Variants in PPFIA1 observed in about 807,000 individuals in gnomAD.
PPFIA1 encodes the protein PPFI scaffold protein A1.
PPFIA1 carries 25 observed loss-of-function variants against 149.9 expected under a neutral mutation model. The observed-to-expected ratio is 0.17, with a 90% CI of 0.12 to 0.23. PPFIA1 has a LOEUF of 0.23. Ranked by LOEUF, PPFIA1 falls within the 10% of genes least tolerant of loss-of-function variation. The pLI, the probability that PPFIA1 is intolerant of heterozygous loss-of-function variation, is 1.00. For synonymous variants in PPFIA1, 549 were observed against 552.8 expected, an observed-to-expected ratio of 0.99 and a Z score of 0.10; for missense variants, 1,362 against 1,506.5, an observed-to-expected ratio of 0.90 and a Z score of 1.59.
At chr11:70,287,542 C>T (rs906482188) in intron 2 of PPFIA1, among the ~76,000 whole-genome samples, 1 of 151,668 alleles carries the variant, frequency 6.6e-6, no homozygotes, top group Admixed American at 6.6e-5. Context: ...GTTACCCAGG[C>T]TGGTCTCCAA....
chr11:70,340,159 T>C (rs2055234817), intron 14 of PPFIA1, among the ~76,000 whole-genome samples: 6 of 148,992 alleles, frequency 4.0e-5, no homozygotes, highest in Admixed American at 3.3e-4. Context: ...AAGAAAAAAT[T>C]AGTTGGGTGT....
At chr11:70,378,304 T>C in intron 26 of PPFIA1, 109 bp downstream of exon 26, 1 of 1,393,846 alleles carries the variant, frequency 7.2e-7, no homozygotes, top group East Asian at 2.5e-5. Context: ...TACAAGGCAC[T>C]TGAGTATGGT....
At chr11:70,380,437 C>T (rs2057665733) in intron 26 of PPFIA1, among the ~76,000 whole-genome samples, 1 of 151,524 alleles carries the variant, frequency 6.6e-6, no homozygotes, top group African/African-American at 2.4e-5. Flanking sequence ...ATTAGCTGGG[C>T]ACGGTGGCAG....
chr11:70,305,362 G>A (rs758421820), intron 2 of PPFIA1, among the ~76,000 whole-genome samples: 1 of 152,026 alleles, frequency 6.6e-6, no homozygotes, highest in Non-Finnish European at 1.5e-5. Flanking sequence ...CCAACCCACC[G>A]ACTCATCTGT....
rs901937901 is a variant in PPFIA1, at chr11:70,270,726, C to T, written c.-189C>T. On this transcript the variant is annotated 5_prime_UTR_variant, in exon 1 of 28. Transcript: ENST00000253925. ...CCGCGCAGCCGGGCCCGCTCCTCCT[C>T]CGCTCCGCCAGTGTCCGGCCGCGGG... 6.6e-6 allele frequency: 1 copy of T among 151,028 alleles called. No individual in the cohort carries two copies. The highest frequency in any genetic ancestry group is 2.4e-5 in the African/African-American group (1 of 41,262). The allele number at this position is 151,028 out of a possible 1,614,324, so 9.4% of individuals were successfully genotyped here.
chr11:70,381,470 A>G (rs1216560386), intron 26 of PPFIA1, among the ~76,000 whole-genome samples: 3 of 152,160 alleles, frequency 2.0e-5, no homozygotes, highest in Non-Finnish European at 4.4e-5. Context: ...CAGTTTTTAG[A>G]TCAGCTTTCA....
chr11:70,356,201 G>A lies in PPFIA1; in HGVS notation c.2529G>A (p.Leu843=). ...CGGATAACTCATCTCAGGATGCCTT[G>A]GGACTTAGCAAATTGGGGGGACAGG... ...SETDNSSQDA[L]GLSKLGGQAE... Residue 843 remains leucine, a synonymous_variant, in exon 19 of 28, where the codon TTG becomes TTA. Coordinates refer to ENST00000253925, the MANE Select transcript of PPFIA1 (RefSeq NM_003626.5). 6.2e-7 allele frequency: 1 copy of A among 1,613,902 alleles called. No homozygotes were observed. Among genetic ancestry groups the A allele is most frequent in the South Asian group, 1.1e-5 (1 of 91,020 alleles).
intron 4 of PPFIA1, 42 bp downstream of exon 4, chr11:70,325,053 G>T: frequency 6.6e-7 from 1 of 1,514,872 alleles, no homozygotes. Flanking sequence ...CACATGCTGT[G>T]TATTAGGCCA....
chr11:70,357,733 G>GC (rs1565442947), intron 19 of PPFIA1, among the ~76,000 whole-genome samples: 1 of 151,802 alleles, frequency 6.6e-6, no homozygotes, highest in African/African-American at 2.4e-5. Context: ...ACTTACAGGC[G>GC]CCCGCCACCA....
rs2050142176 is a variant in PPFIA1, at chr11:70,272,357, C to G, written c.185C>G (p.Ala62Gly). ...CTGAGAGAGACTCAAGAAACGCTGGCCTTAACCCAGGGGAAGTTACACGAG... is the reference window on the plus strand; with the variant it reads ...CTGAGAGAGACTCAAGAAACGCTGGGCTTAACCCAGGGGAAGTTACACGAG... ...DTLRETQETL[A>G]LTQGKLHEVG... The change falls in exon 2 of 28, where the codon GCC becomes GGC. Residue 62 changes from alanine to glycine, a missense_variant. Ala to Gly is a moderately conservative substitution (Grantham distance 60, BLOSUM62 0). Coordinates refer to ENST00000253925, the MANE Select transcript of PPFIA1 (RefSeq NM_003626.5). 2 of 1,614,024 alleles carry G rather than the reference C, an allele frequency of 1.2e-6. No homozygotes were observed. Among genetic ancestry groups the G allele is most frequent in the African/African-American group, 1.3e-5 (1 of 74,890 alleles).
chr11:70,354,407 G>A lies in PPFIA1; in HGVS notation c.2270G>A (p.Gly757Glu). 6.2e-7 allele frequency: 1 copy of A among 1,613,898 alleles called. No individual in the cohort carries two copies. The highest frequency in any genetic ancestry group is 8.5e-7 in the Non-Finnish European group (1 of 1,179,972). ...RALRLDRLHKGALHTVSHEDI... is the reference protein window; with the variant it reads ...RALRLDRLHKEALHTVSHEDI... ...CTTCGGTTAGACCGGCTGCACAAAGGGGCGCTGCACACCGTCAGCCACGAG... is the reference window on the plus strand; with the variant it reads ...CTTCGGTTAGACCGGCTGCACAAAGAGGCGCTGCACACCGTCAGCCACGAG... Residue 757 changes from glycine (G) to glutamate (E), a missense_variant, in exon 17 of 28, where the codon GGG becomes GAG. By Grantham distance (98) the Gly-to-Glu change is moderately conservative. Coordinates refer to ENST00000253925, the MANE Select transcript of PPFIA1 (RefSeq NM_003626.5).
intron 19 of PPFIA1, among the ~76,000 whole-genome samples, chr11:70,358,925 T>C (rs1240757531): frequency 6.6e-6 from 1 of 152,222 alleles, no homozygotes; most frequent in Non-Finnish European, 1.5e-5. Context: ...AAACACCATC[T>C]CTTGAAGTAA....
At chr11:70,333,198 T>C (rs1257957289) in intron 9 of PPFIA1, 1 of 542,688 alleles carries the variant, frequency 1.8e-6, no homozygotes, top group African/African-American at 1.9e-5. Flanking sequence ...CACGACTCCA[T>C]TGAGATTGGG....
chr11:70,360,277 A>C (rs770794677), intron 19 of PPFIA1, among the ~76,000 whole-genome samples: 5 of 152,284 alleles, frequency 3.3e-5, no homozygotes. Flanking sequence ...GGTGAAGTCT[A>C]GGACAGTGTA....
Position 70,325,535 on chromosome 11 carries a change from T to C in PPFIA1, c.567T>C (p.Cys189=), listed in dbSNP as rs2054212074. The change falls in exon 5 of 28, where the codon TGT becomes TGC. Residue 189 remains cysteine, a synonymous_variant. Coordinates refer to ENST00000253925, the MANE Select transcript of PPFIA1 (RefSeq NM_003626.5). Reference sequence around the variant, plus strand: ...GATTACGAGTAGCACTTGAAAGATGTAGTTTGTTAGAAGAGGAATTAGGTG... The same window carrying C: ...GATTACGAGTAGCACTTGAAAGATGCAGTTTGTTAGAAGAGGAATTAGGTG... ...RERLRVALER[C]SLLEEELGAT... 2 of 1,596,302 alleles carry C rather than the reference T, an allele frequency of 1.3e-6. No individual in the cohort carries two copies. Among genetic ancestry groups the C allele is most frequent in the Admixed American group, 1.7e-5 (1 of 59,918 alleles).
At chr11:70,368,574 A>G (rs2057073037) in intron 21 of PPFIA1, among the ~76,000 whole-genome samples, 1 of 152,168 alleles carries the variant, frequency 6.6e-6, no homozygotes, top group African/African-American at 2.4e-5. Context: ...CATTGTACAC[A>G]TTTTGCATGC....
intron 2 of PPFIA1, among the ~76,000 whole-genome samples, chr11:70,307,168 C>T (rs2052907944): frequency 6.6e-6 from 1 of 152,206 alleles, no homozygotes. Flanking sequence ...GATAATTTCG[C>T]AGTATCTTTT....
chr11:70,361,199 TGAAAG>T (rs2056624933), intron 19 of PPFIA1, among the ~76,000 whole-genome samples: 1 of 152,156 alleles, frequency 6.6e-6, no homozygotes, highest in African/African-American at 2.4e-5. Flanking sequence ...CTGTAGAAGA[TGAAAG>T]GAAAATGATG....
chr11:70,311,836 CTTTTTTTTTTTTTT>C (rs140584652), intron 2 of PPFIA1, among the ~76,000 whole-genome samples: 47 of 70,110 alleles, frequency 6.7e-4, no homozygotes, highest in African/African-American at 2.7e-3. Context: ...AGTGAGTCAG[CTTTTTTTTTTTTTT>C]TTTTTTTTTT....
Sources: allele counts gnomAD v4.1 joint callset (sites outside exome capture counted in the v4.1 genomes callset), GRCh38; gene constraint gnomAD v4.1.1; transcripts MANE v1.5; gene names NCBI Gene and HGNC (gene_info 2026-07-23, HGNC 2026-07-21).